The following MAP4 variants were observed in gnomAD, a reference collection of about 807,000 sequenced individuals.
MAP4 encodes the protein microtubule-associated protein 4.
MAP4 carries 76 observed loss-of-function variants against 170.2 expected under a neutral mutation model. The ratio of observed to expected loss-of-function variants is 0.45; its 90% CI spans 0.37 to 0.54. The LOEUF (loss-of-function observed/expected upper bound fraction) is 0.54. Among genes scored for constraint, MAP4 ranks in the 20% least tolerant of loss-of-function variants. The pLI is 0.00. For synonymous variants in MAP4, 909 were observed against 994.5 expected, an observed-to-expected ratio of 0.91 and a Z score of 1.62; for missense variants, 2,506 against 2,748.0, an observed-to-expected ratio of 0.91 and a Z score of 1.97.
intron 3 of MAP4, among the ~76,000 whole-genome samples, chr3:47,956,218 A>G (rs1363880342): frequency 6.6e-6 from 1 of 152,136 alleles, no homozygotes; most frequent in Non-Finnish European, 1.5e-5. Flanking sequence ...AGTAAGTTAC[A>G]TAGGAGGTAG....
chr3:47,968,028 T>C (rs964944666), intron 3 of MAP4, among the ~76,000 whole-genome samples: 3 of 152,216 alleles, frequency 2.0e-5, no homozygotes, highest in Non-Finnish European at 4.4e-5. Context: ...CTCATAGTTG[T>C]AGCGATCATT....
At chr3:47,853,873 G>A (rs1169192232) in intron 19 of MAP4, among the ~76,000 whole-genome samples, 1 of 152,198 alleles carries the variant, frequency 6.6e-6, no homozygotes, top group Non-Finnish European at 1.5e-5. Flanking sequence ...TCTGGGACCA[G>A]GGGTCCATGG....
chr3:47,980,805 C>T (rs770801316), intron 2 of MAP4, among the ~76,000 whole-genome samples: 28 of 152,226 alleles, frequency 1.8e-4, no homozygotes, highest in Non-Finnish European at 2.6e-4. Context: ...TATTCTTCCT[C>T]GCTCAAGAAA....
chr3:48,056,395 G>T (rs2100131594), intron 1 of MAP4, among the ~76,000 whole-genome samples: 1 of 95,344 alleles, frequency 1.0e-5, no homozygotes, highest in African/African-American at 4.2e-5. Context: ...AGATGGGGGG[G>T]TCAGCCCCCC....
intron 10 of MAP4, among the ~76,000 whole-genome samples, chr3:47,882,204 G>A (rs2096879897): frequency 3.9e-5 from 6 of 152,094 alleles, no homozygotes; most frequent in Admixed American, 3.9e-4. Context: ...GCTTGAACCT[G>A]GGAAGTGAAG....
intron 1 of MAP4, among the ~76,000 whole-genome samples, chr3:48,056,617 G>C: frequency 7.8e-6 from 1 of 128,898 alleles, no homozygotes; most frequent in South Asian, 2.4e-4. Flanking sequence ...GAGGGAGGTG[G>C]GGGGGTCAGC....
intron 11 of MAP4, chr3:47,876,814 A>G (rs1304422970): frequency 6.6e-6 from 1 of 152,208 alleles, no homozygotes; most frequent in Non-Finnish European, 1.5e-5. Context: ...CGCTGAGATA[A>G]TAGTAAATAA....
At chr3:47,951,872 T>TCTGC (rs2100064239) in intron 3 of MAP4, among the ~76,000 whole-genome samples, 3 of 149,776 alleles carry the variant, frequency 2.0e-5, no homozygotes, top group Admixed American at 1.3e-4. Flanking sequence ...GAGGAGCGTC[T>TCTGC]CTGCCCGCCC....
intron 2 of MAP4, among the ~76,000 whole-genome samples, chr3:47,996,599 G>C (rs573186565): frequency 7.2e-5 from 11 of 152,248 alleles, no homozygotes; most frequent in African/African-American, 2.6e-4. Context: ...GGCAATTACG[G>C]TAATGACAAA....
intron 3 of MAP4, among the ~76,000 whole-genome samples, chr3:47,972,113 A>G (rs1443522147): frequency 6.6e-6 from 1 of 152,244 alleles, no homozygotes; most frequent in Non-Finnish European, 1.5e-5. Context: ...CCAAGCTTAA[A>G]AAGTTCCTTA....
intron 6 of MAP4, 146 bp from the exon 7 acceptor site, chr3:47,917,320 G>GCTCA: frequency 1.5e-6 from 1 of 676,744 alleles, no homozygotes; most frequent in South Asian, 1.9e-5. Context: ...GGGCACAGTG[G>GCTCA]CTCACGCCTG....
chr3:47,962,865 T>C (rs948067058), intron 3 of MAP4, among the ~76,000 whole-genome samples: 1 of 152,154 alleles, frequency 6.6e-6, no homozygotes, highest in African/African-American at 2.4e-5. Context: ...AGACCAGAAA[T>C]ATTAATTTGT....
At chr3:47,964,429 A>T (rs2100073592) in intron 3 of MAP4, among the ~76,000 whole-genome samples, 1 of 152,204 alleles carries the variant, frequency 6.6e-6, no homozygotes, top group Non-Finnish European at 1.5e-5. Context: ...CCAAATGTTT[A>T]GCCTTAACAA....
In MAP4 at chr3:47,869,237, C is replaced by T; in HGVS notation, c.6385G>A (p.Ala2129Thr). 1 of 1,613,594 alleles carries T rather than the reference C, an allele frequency of 6.2e-7. No homozygotes were observed. The highest frequency in any genetic ancestry group is 8.5e-7 in the Non-Finnish European group (1 of 1,179,498). ...VTKTAGPIAS[A>T]QKQPAGKVQI... Reference sequence around the variant, plus strand: ...ACTTTCCCCGCAGGTTGTTTCTGTGCACTTGCAATTGGGCCGGCTGTTTTA... The same window carrying T: ...ACTTTCCCCGCAGGTTGTTTCTGTGTACTTGCAATTGGGCCGGCTGTTTTA... The change falls in exon 16 of 21, where the codon GCA (alanine) becomes ACA (threonine). Residue 2129 changes from alanine to threonine, a missense_variant. Ala to Thr is a moderately conservative substitution (Grantham distance 58). Around this residue, in one of 3 missense-constraint regions of MAP4, gnomAD observed 487 missense variants for 511.6 expected, o/e 0.95. Coordinates refer to ENST00000683076, the MANE Select transcript of MAP4 (RefSeq NM_001385682.1).
chr3:47,922,893 T>C lies in MAP4; in HGVS notation c.416-1015A>G, dbSNP rs2100043755. Among the ~76,000 whole-genome samples the C allele has an allele frequency of 2.6e-5, 4 of 152,094 alleles. No homozygotes were observed. The South Asian group carries it at 6.2e-4, about 24-fold the overall frequency. On this transcript the variant is annotated intron_variant, in intron 4 of 20. Coordinates refer to ENST00000683076, the MANE Select transcript of MAP4 (RefSeq NM_001385682.1). ...TGAAACCCCGTCTCTACTAAAAATATAAAAAAATTAGTCAGGCGTGGTGGC... is the reference window on the plus strand; with the variant it reads ...TGAAACCCCGTCTCTACTAAAAATACAAAAAAATTAGTCAGGCGTGGTGGC...
intron 19 of MAP4, chr3:47,854,979 G>A (rs993199801): frequency 4.5e-6 from 2 of 447,050 alleles, no homozygotes; most frequent in African/African-American, 3.9e-5. Context: ...TCAAATGGCT[G>A]GATGGGCTCA....
intron 10 of MAP4, among the ~76,000 whole-genome samples, chr3:47,894,418 T>TA (rs1345399408): frequency 1.3e-5 from 2 of 151,276 alleles, no homozygotes; most frequent in Non-Finnish European, 2.9e-5. Context: ...CTGTCTCTAC[T>TA]AAAAAATACA....
At position 47,918,479 on chromosome 3, in the gene MAP4, GA is replaced by G. The variant is rs11326715; in HGVS notation, c.652+239del. Among the ~76,000 whole-genome samples the G allele has an allele frequency of 8.8e-3, 1,329 of 151,682 alleles. 19 individuals are homozygous for G. Among genetic ancestry groups the G allele is most frequent in the African/African-American group, 0.03 (1,254 of 41,200 alleles). On this transcript the variant is annotated intron_variant, in intron 6 of 20. Coordinates refer to ENST00000683076, the MANE Select transcript of MAP4 (RefSeq NM_001385682.1). ...ATACCTAATACAATGAAAATGTGAT[GA>G]AAAAAATATATATATGTTAAAAAAT... is the stretch of plus-strand genomic sequence containing the variant.
chr3:48,068,901 C>G (rs1301020358), intron 1 of MAP4, among the ~76,000 whole-genome samples: 1 of 152,152 alleles, frequency 6.6e-6, no homozygotes, highest in Non-Finnish European at 1.5e-5. Flanking sequence ...TATCATGACA[C>G]TTTTAATAAT....
Sources: allele counts gnomAD v4.1 joint callset (sites outside exome capture counted in the v4.1 genomes callset), GRCh38; gene constraint gnomAD v4.1.1; regional missense constraint gnomAD v4.1.1; transcripts MANE v1.5; gene names NCBI Gene and HGNC (gene_info 2026-07-23, HGNC 2026-07-21).